The following PATJ variants were observed in gnomAD, a reference collection of about 807,000 sequenced individuals.
PATJ encodes inaD-like protein.
PATJ carries 190 observed loss-of-function variants against 224.9 expected under a neutral mutation model. The ratio of observed to expected loss-of-function variants is 0.84; its 90% CI spans 0.75 to 0.95. PATJ has a LOEUF of 0.95. PATJ is among the 40% of genes least tolerant of loss of function. PATJ has a pLI of 0.00. For missense variants in PATJ, 2,121 were observed against 2,270.3 expected (o/e 0.93, Z 1.34); for synonymous variants, 769 against 820.3 (o/e 0.94, Z 1.07).
intron 27 of PATJ, among the ~76,000 whole-genome samples, chr1:61,971,955 C>T (rs1683040583): frequency 6.6e-6 from 1 of 150,786 alleles, no homozygotes; most frequent in South Asian, 2.1e-4. Flanking sequence ...TACCACTGCA[C>T]TCCAACATGG....
intron 27 of PATJ, among the ~76,000 whole-genome samples, chr1:61,951,327 T>A (rs145279283): frequency 3.7e-4 from 57 of 152,352 alleles, no homozygotes; most frequent in Admixed American, 1.3e-3. Context: ...GTATTTATTA[T>A]AACTGTAAAT....
intron 27 of PATJ, among the ~76,000 whole-genome samples, chr1:61,965,123 A>AAAC (rs1681928067): frequency 2.4e-5 from 1 of 42,494 alleles, no homozygotes; most frequent in Non-Finnish European, 4.7e-5. Flanking sequence ...CTCTGTCTCA[A>AAAC]AAAAAAAAAA....
intron 33 of PATJ, among the ~76,000 whole-genome samples, chr1:62,103,077 A>T (rs1047096336): frequency 8.6e-5 from 13 of 152,044 alleles, no homozygotes; most frequent in Non-Finnish European, 1.8e-4. Flanking sequence ...CTGTAAAATA[A>T]TCAACTCACG....
At chr1:61,778,254 G>A (rs969385855) in intron 7 of PATJ, among the ~76,000 whole-genome samples, 1 of 152,186 alleles carries the variant, frequency 6.6e-6, no homozygotes, top group Non-Finnish European at 1.5e-5. Flanking sequence ...GGCCTGAAGC[G>A]ATCTTCCTGC....
intron 29 of PATJ, among the ~76,000 whole-genome samples, chr1:62,031,486 C>G (rs1157350331): frequency 1.3e-5 from 2 of 152,158 alleles, no homozygotes; most frequent in Non-Finnish European, 2.9e-5. Context: ...GAAATGTGGA[C>G]AGATTGCAGT....
intron 8 of PATJ, among the ~76,000 whole-genome samples, chr1:61,791,024 C>T (rs1464277398): frequency 6.6e-6 from 1 of 152,210 alleles, no homozygotes; most frequent in Admixed American, 6.5e-5. Context: ...TTCCTTGTCA[C>T]GTGACTCCCT....
chr1:62,114,164 G>A lies in PATJ; in HGVS notation c.4573G>A (p.Asp1525Asn). 6.2e-6 allele frequency: 10 copies of A among 1,614,108 alleles called. No individual in the cohort carries two copies. Among genetic ancestry groups the A allele is most frequent in the Non-Finnish European group, 7.6e-6 (9 of 1,180,000 alleles). ...VVYRDEAHYR[D>N]EENLEIFPVD... ...GTATAGAGATGAGGCACACTACCGG[G>A]ATGAGGAGAACTTGGAGATTTTCCC... Residue 1525 changes from aspartate to asparagine, a missense_variant, in exon 35 of 44, where the codon GAT (aspartate) becomes AAT (asparagine). By Grantham distance (23) the Asp-to-Asn change is conservative (BLOSUM62 1). Coordinates refer to ENST00000642238, the MANE Select transcript of PATJ (RefSeq NM_001350145.3).
chr1:61,859,459 G>C (rs761341514), intron 18 of PATJ, among the ~76,000 whole-genome samples: 1 of 151,662 alleles, frequency 6.6e-6, no homozygotes, highest in Non-Finnish European at 1.5e-5. Flanking sequence ...TAACATCTGG[G>C]GTCTTCTGGG....
In PATJ at chr1:62,119,408, A is replaced by C. The variant is rs1664806533; in HGVS notation, c.4891-1773A>C. ...CAGATTTCCTTCTGAGCAGTTACAA[A>C]ATAGGGAGATCAATGCCTTCTTTTG... is the stretch of plus-strand genomic sequence containing the variant. On this transcript the variant is annotated intron_variant, in intron 37 of 43. Coordinates refer to ENST00000642238, the MANE Select transcript of PATJ (RefSeq NM_001350145.3). Among the ~76,000 whole-genome samples the C allele has an allele frequency of 2.0e-5, 3 of 152,174 alleles. No individual in the cohort carries two copies. In the South Asian group the frequency reaches 6.2e-4, roughly 31 times the overall value.
Position 62,117,133 on chromosome 1 carries a change from G to A in PATJ, c.4805G>A (p.Cys1602Tyr), listed in dbSNP as rs755169417. 7 of 1,612,148 alleles carry A rather than the reference G, an allele frequency of 4.3e-6. No individual in the cohort carries two copies. The Admixed American group carries it at 6.7e-5, about 15-fold the overall frequency. ...CTGTTCTTTTCTTGCCTTTCCAAGT[G>A]TGCACAGGGACTTGTGCAGCTAGAG... ...SQETVATILK[C>Y]AQGLVQLEIG... The change falls in exon 37 of 44, where the codon TGT (cysteine) becomes TAT (tyrosine). Residue 1602 changes from cysteine to tyrosine, a missense_variant and splice_region_variant. Cys to Tyr is a radical substitution (Grantham distance 194). Transcript: ENST00000642238.
chr1:61,788,617 A>T (rs1453375404), intron 8 of PATJ, among the ~76,000 whole-genome samples: 1 of 152,196 alleles, frequency 6.6e-6, no homozygotes, highest in Non-Finnish European at 1.5e-5. Context: ...CTTTTAATGA[A>T]GACATAATAA....
intron 22 of PATJ, among the ~76,000 whole-genome samples, chr1:61,886,440 T>C (rs1668848235): frequency 6.6e-6 from 1 of 152,100 alleles, no homozygotes; most frequent in East Asian, 1.9e-4. Context: ...ACATTGTTAG[T>C]AGAGTAGATT....
chr1:61,852,508 T>C (rs1342799286), intron 17 of PATJ: 1 of 152,104 alleles, frequency 6.6e-6, no homozygotes, highest in Non-Finnish European at 1.5e-5. Context: ...GGTGTGCACA[T>C]TGGCAGCACA....
chr1:62,037,899 C>A, intron 29 of PATJ, 78 bp from the exon 30 acceptor site: 1 of 713,664 alleles, frequency 1.4e-6, no homozygotes, highest in Non-Finnish European at 2.3e-6. Context: ...CAACTGAGAA[C>A]TGAGGAAGTA....
chr1:61,961,981 AAAAAG>A (rs1260706603), intron 27 of PATJ, among the ~76,000 whole-genome samples: 1 of 151,122 alleles, frequency 6.6e-6, no homozygotes, highest in Non-Finnish European at 1.5e-5. Flanking sequence ...GAAAAAAAAA[AAAAAG>A]AAAGAAAAGA....
chr1:61,819,546 C>G (rs1042140442), intron 14 of PATJ, among the ~76,000 whole-genome samples: 2 of 150,282 alleles, frequency 1.3e-5, no homozygotes, highest in Non-Finnish European at 3.0e-5. Flanking sequence ...CATGTCCAAA[C>G]TATATTATAG....
intron 41 of PATJ, among the ~76,000 whole-genome samples, chr1:62,130,327 C>G (rs1373209020): frequency 2.6e-5 from 4 of 152,104 alleles, no homozygotes; most frequent in Admixed American, 6.6e-5. Context: ...GAGTGAGACC[C>G]TGGCTCAAAA....
chr1:61,785,008 CTTTGTACG>C (rs1648207158), intron 7 of PATJ, among the ~76,000 whole-genome samples: 1 of 152,186 alleles, frequency 6.6e-6, no homozygotes, highest in Admixed American at 6.5e-5. Context: ...AAGCACAGAG[CTTTGTACG>C]TATTATTTCA....
intron 9 of PATJ, among the ~76,000 whole-genome samples, chr1:61,792,875 G>A (rs975888497): frequency 6.6e-6 from 1 of 152,060 alleles, no homozygotes; most frequent in African/African-American, 2.4e-5. Context: ...TGGGTAATTA[G>A]GGGTGGCAGG....
Sources: allele counts gnomAD v4.1 joint callset (sites outside exome capture counted in the v4.1 genomes callset), GRCh38; gene constraint gnomAD v4.1.1; transcripts MANE v1.5; gene names NCBI Gene and HGNC (gene_info 2026-07-23, HGNC 2026-07-21).